The following SCUBE2 variants were observed in gnomAD, a reference collection of about 807,000 sequenced individuals.
SCUBE2 encodes signal peptide, CUB domain and EGF like domain containing 2, also known as signal peptide, CUB and EGF-like domain-containing protein 2.
A neutral mutation model predicts 125.9 loss-of-function variants in SCUBE2; 114 were observed. The ratio of observed to expected loss-of-function variants is 0.91; its 90% CI spans 0.78 to 1.06. The LOEUF (loss-of-function observed/expected upper bound fraction) is 1.06, where lower values mean the gene tolerates loss of function less well. Among genes scored for constraint, SCUBE2 ranks in the 50% least tolerant of loss-of-function variants. The pLI is 0.00. For missense variants in SCUBE2, 1,255 were observed against 1,301.8 expected (o/e 0.96, Z 0.55); for synonymous variants, 459 against 492.9 (o/e 0.93, Z 0.91).
In SCUBE2 at chr11:9,079,461, C is replaced by T; in HGVS notation, c.305G>A (p.Cys102Tyr). ...ACGATAATTGCCTGGAATATTCAAA[C>T]AGTCATGGACACAGCCTCCATTGAG... ...NELNGGCVHD[C>Y]LNIPGNYRCT... is the part of the protein sequence containing the mutation. Residue 102 changes from cysteine to tyrosine, a missense_variant, in exon 3 of 23, where the codon TGT becomes TAT. This residue lies in a region of SCUBE2 where 362 missense variants were observed against 323.0 expected (regional missense o/e 1.12). Transcript: ENST00000649792. 1 of 1,614,120 alleles carries T rather than the reference C, an allele frequency of 6.2e-7. No individual in the cohort carries two copies. Among genetic ancestry groups the T allele is most frequent in the Non-Finnish European group, 8.5e-7 (1 of 1,179,986 alleles).
chr11:9,084,358 A>G (rs910332371), intron 2 of SCUBE2, among the ~76,000 whole-genome samples: 14 of 152,202 alleles, frequency 9.2e-5, no homozygotes, highest in African/African-American at 3.1e-4. Context: ...CAATTAACAC[A>G]TGTTTAAGGA....
chr11:9,080,433 A>G (rs547919986), intron 2 of SCUBE2, among the ~76,000 whole-genome samples: 1 of 152,162 alleles, frequency 6.6e-6, no homozygotes, highest in African/African-American at 2.4e-5. Flanking sequence ...CAGGAGGATC[A>G]ATTGAGCCCA....
At chr11:9,059,557 G>A (rs1385319406) in intron 8 of SCUBE2, 132 bp from the exon 9 acceptor site, 23 of 1,151,522 alleles carry the variant, frequency 2.0e-5, no homozygotes, top group Non-Finnish European at 3.5e-6. Context: ...ATTTAAGAAT[G>A]TTTGCTGATG....
chr11:9,060,011 A>G (rs1319035878), intron 8 of SCUBE2, among the ~76,000 whole-genome samples: 1 of 152,342 alleles, frequency 6.6e-6, no homozygotes, highest in South Asian at 2.1e-4. Context: ...TTAATGGTAC[A>G]GTTATTCATT....
At chr11:9,062,826 AAG>A in intron 7 of SCUBE2, among the ~76,000 whole-genome samples, 1 of 151,858 alleles carries the variant, frequency 6.6e-6, no homozygotes, top group East Asian at 1.9e-4. Context: ...AGAAAAGAAA[AAG>A]AATAAAAATA....
rs10732200 is a variant in SCUBE2 at position 9,079,771 on chromosome 11, T to A, written c.257-262A>T. Reference sequence around the variant, plus strand: ...TCCATGGACTACTATGCAGCTATTTTAAAAAAAAGAGAGAATGAGGAAGAT... The same window carrying A: ...TCCATGGACTACTATGCAGCTATTTAAAAAAAAAGAGAGAATGAGGAAGAT... On this transcript the variant is annotated intron_variant, in intron 2 of 22. Coordinates refer to ENST00000649792, the MANE Select transcript of SCUBE2 (RefSeq NM_001367977.2). 0.89 allele frequency among the ~76,000 whole-genome samples: 135,773 copies of A among 151,904 alleles called. 60,854 individuals carry two copies. Among genetic ancestry groups the A allele is most frequent in the African/African-American group, 0.96 (39,626 of 41,438 alleles).
At chr11:9,082,594 T>C (rs1035751320) in intron 2 of SCUBE2, among the ~76,000 whole-genome samples, 2 of 151,860 alleles carry the variant, frequency 1.3e-5, no homozygotes, top group African/African-American at 4.8e-5. Flanking sequence ...AACTGATAAA[T>C]GGGCAAAAAA....
In SCUBE2 at chr11:9,072,014, T is replaced by TA. The variant is rs200494180; in HGVS notation, c.517+2466dup. ...ATCACAGCTTTGGAGTCTCTAAGGA[T>TA]AAAAAAAAATAAAATAAAAAATCAG... On this transcript the variant is annotated intron_variant, in intron 4 of 22. Transcript: ENST00000649792. Among the ~76,000 whole-genome samples, 829 of 151,086 alleles carry TA rather than the reference T, an allele frequency of 5.5e-3. 6 individuals carry two copies. The highest frequency in any genetic ancestry group is 0.017 in the Middle Eastern group (5 of 292).
rs752603154 is a variant in SCUBE2, at chr11:9,091,457, TGGC to T, written c.69_71del (p.Pro24del). 3.6e-4 allele frequency: 472 copies of T among 1,297,912 alleles called. 4 individuals carry two copies. In the Admixed American group the frequency reaches 4.1e-3, roughly 11 times the overall value. 80.4% of individuals were successfully genotyped at this position (1,297,912 alleles called of 1,614,324 possible). Reference sequence around the variant, plus strand: ...GGACGGCCCCCGCCAGCAGCAGCAGTGGCGGCAGCAGCAGCAGCAGCAGCAGCA... The same window carrying T: ...GGACGGCCCCCGCCAGCAGCAGCAGTGGCAGCAGCAGCAGCAGCAGCAGCA... On this transcript the variant is annotated inframe_deletion, in exon 1 of 23. Coordinates refer to ENST00000649792, the MANE Select transcript of SCUBE2 (RefSeq NM_001367977.2). This position sits in a 1 kb window ranked among gnomAD's most constrained non-coding sequence, Gnocchi z 8.5.
At chr11:9,053,890 C>G in intron 10 of SCUBE2, 131 bp from the exon 11 acceptor site, 2 of 1,118,308 alleles carry the variant, frequency 1.8e-6, no homozygotes, top group Non-Finnish European at 2.5e-6. Context: ...ACACTGAATG[C>G]CTTTAGCATG....
chr11:9,019,513 A>ATT lies in SCUBE2; in HGVS notation c.*1530_*1531dup, dbSNP rs139208814. ...AAGTCCAAGTGCTTGTTTTAATGCT[A>ATT]TTTTTTTTTTAATGATGATGTTCAA... is the stretch of plus-strand genomic sequence containing the variant. On this transcript the variant is annotated 3_prime_UTR_variant, in exon 23 of 23. Transcript: ENST00000649792. 0.11 allele frequency among the ~76,000 whole-genome samples: 16,469 copies of ATT among 149,640 alleles called. 997 individuals carry two copies. Among genetic ancestry groups the ATT allele is most frequent in the South Asian group, 0.22 (1,055 of 4,702 alleles).
intron 3 of SCUBE2, among the ~76,000 whole-genome samples, chr11:9,078,267 G>A (rs936205176): frequency 6.6e-6 from 1 of 152,216 alleles, no homozygotes; most frequent in Non-Finnish European, 1.5e-5. Flanking sequence ...CTGCAATCAA[G>A]TCTTACTGAC....
intron 22 of SCUBE2, 54 bp downstream of exon 22, chr11:9,021,822 G>A: frequency 1.5e-6 from 2 of 1,344,922 alleles, no homozygotes; most frequent in South Asian, 2.3e-5. Context: ...TTCTCCAACA[G>A]TACTCGGGAA....
At chr11:9,082,180 G>A (rs537599162) in intron 2 of SCUBE2, among the ~76,000 whole-genome samples, 3 of 152,192 alleles carry the variant, frequency 2.0e-5, no homozygotes, top group Admixed American at 6.5e-5. Context: ...TTTTAATTGC[G>A]TTATTTGATT....
In SCUBE2 at chr11:9,025,686, T is replaced by G; in HGVS notation, c.2854+16A>C. ...AAGCAGAGACGCTCTTTCCATGTGC[T>G]GCAGGCTGTGCTTACCATCATATGT... is the stretch of plus-strand genomic sequence containing the variant. On this transcript the variant is annotated intron_variant, in intron 21 of 22. Coordinates refer to ENST00000649792, the MANE Select transcript of SCUBE2 (RefSeq NM_001367977.2). The G allele has an allele frequency of 6.2e-7, 1 of 1,613,756 alleles. No homozygotes were observed. The highest frequency in any genetic ancestry group is 8.5e-7 in the Non-Finnish European group (1 of 1,179,810).
chr11:9,053,237 C>A, intron 11 of SCUBE2, 22 bp from the exon 12 acceptor site: 1 of 1,588,544 alleles, frequency 6.3e-7, no homozygotes, highest in Non-Finnish European at 8.6e-7. Flanking sequence ...AAAACAGACA[C>A]TTACAGAAAG....
chr11:9,034,685 T>C (rs559287641), intron 16 of SCUBE2, among the ~76,000 whole-genome samples: 4 of 152,094 alleles, frequency 2.6e-5, no homozygotes, highest in Non-Finnish European at 4.4e-5. Flanking sequence ...AGGTTCATAA[T>C]AAACAATACA....
intron 21 of SCUBE2, 108 bp downstream of exon 21, chr11:9,025,594 G>T: frequency 1.5e-6 from 2 of 1,365,552 alleles, no homozygotes; most frequent in Non-Finnish European, 2.0e-6. Context: ...CCCTCATCTT[G>T]CCTGCCTTTC....
At chr11:9,055,566 GTTC>G (rs1204556646) in intron 10 of SCUBE2, among the ~76,000 whole-genome samples, 3 of 152,344 alleles carry the variant, frequency 2.0e-5, no homozygotes, top group East Asian at 3.9e-4. Flanking sequence ...GAAGAGCTCA[GTTC>G]TTCTCTCTGC....
Sources: gnomAD v4.1 joint callset for allele counts (sites outside exome capture counted in the v4.1 genomes callset) on GRCh38, gnomAD v4.1.1 for gene constraint, gnomAD v4.1.1 regional missense constraint, Gnocchi (gnomAD v3.1) non-coding constraint, MANE v1.5 for transcripts, NCBI Gene and HGNC (gene_info 2026-07-23, HGNC 2026-07-21) for gene names.